The following CDH23 variants were observed in gnomAD, a reference collection of about 807,000 sequenced individuals.
CDH23 encodes cadherin related 23, also known as cadherin-23.
CDH23 carries 189 observed loss-of-function variants against 317.1 expected under a neutral mutation model. That is an observed-to-expected ratio of 0.60 (90% CI 0.53 to 0.67). CDH23 has a LOEUF of 0.67. CDH23 is among the 30% of genes least tolerant of loss of function. The pLI is 0.00. For missense variants in CDH23, 4,401 were observed against 4,592.4 expected (o/e 0.96, Z 1.20); for synonymous variants, 1,839 against 1,876.8 (o/e 0.98, Z 0.52).
rs767192037 is a variant in CDH23 at position 71,709,071 on chromosome 10, C to A, written c.3107-27C>A. On this transcript the variant is annotated intron_variant, in intron 26 of 69. Coordinates refer to ENST00000224721, the MANE Select transcript of CDH23 (RefSeq NM_022124.6). The stretch of plus-strand genomic sequence containing the variant: ...CTGGCCGGGAGCTCTGTTTCCCAGC[C>A]GGAAGCTTCCTCTCCTTCACCCACA... The A allele has an allele frequency of 1.2e-5, 20 of 1,606,060 alleles. No individual in the cohort carries two copies. In the East Asian group the frequency reaches 3.8e-4, roughly 30 times the overall value.
intron 6 of CDH23, among the ~76,000 whole-genome samples, chr10:71,537,534 G>T (rs1855767215): frequency 6.6e-6 from 1 of 152,250 alleles, no homozygotes; most frequent in African/African-American, 2.4e-5. Context: ...CTGCCAAGTG[G>T]CCTTAAAAAC....
At chr10:71,742,637 C>T (rs536527829) in intron 38 of CDH23, among the ~76,000 whole-genome samples, 4 of 152,288 alleles carry the variant, frequency 2.6e-5, no homozygotes, top group Admixed American at 1.3e-4. Flanking sequence ...CTCAGCATAT[C>T]GCTTTTGTCA....
chr10:71,726,954 C>CG (rs1866840306), intron 30 of CDH23, among the ~76,000 whole-genome samples: 1 of 152,188 alleles, frequency 6.6e-6, no homozygotes, highest in Non-Finnish European at 1.5e-5. Context: ...TCCCAGGGTA[C>CG]AGTGTAAAAC....
chr10:71,803,386 G>A lies in CDH23; in HGVS notation c.7838G>A (p.Arg2613His), dbSNP rs768688999. The change falls in exon 55 of 70, where the codon CGC becomes CAC. Residue 2613 changes from arginine to histidine, a missense_variant. Arg to His is a conservative substitution (Grantham distance 29). Coordinates refer to ENST00000224721, the MANE Select transcript of CDH23 (RefSeq NM_022124.6). The part of the protein sequence containing the change: ...DVNDNRPVFV[R>H]PPNGTILHIR... ...AATGACAACCGCCCTGTCTTTGTGC[G>A]CCCACCCAACGGCACCATCCTCCAC... 1.4e-5 allele frequency: 22 copies of A among 1,598,766 alleles called. No homozygotes were observed. Among genetic ancestry groups the A allele is most frequent in the Admixed American group, 3.4e-5 (2 of 58,426 alleles).
At chr10:71,460,576 C>T (rs1441641423) in intron 3 of CDH23, among the ~76,000 whole-genome samples, 2 of 152,246 alleles carry the variant, frequency 1.3e-5, no homozygotes, top group African/African-American at 4.8e-5. Flanking sequence ...TGGAGAAACC[C>T]TATGTTGTAG....
In CDH23 at chr10:71,705,040, C is replaced by G. The variant is rs765094120; in HGVS notation, c.2863C>G (p.Arg955Gly). The change falls in exon 25 of 70, where the codon CGC (arginine) becomes GGC (glycine). Residue 955 changes from arginine to glycine, a missense_variant. By Grantham distance (125) the Arg-to-Gly change is moderately radical (BLOSUM62 -2). Around this residue, in one of 3 missense-constraint regions of CDH23, gnomAD observed 3,068 missense variants for 3,203.3 expected, o/e 0.96. Coordinates refer to ENST00000224721, the MANE Select transcript of CDH23 (RefSeq NM_022124.6). Reference sequence around the variant, plus strand: ...GGTGGTCACCACCACCGAGCTGGACCGCGAGCGCATCGCGGAGTACCAGCT... The same window carrying G: ...GGTGGTCACCACCACCGAGCTGGACGGCGAGCGCATCGCGGAGTACCAGCT... Reference protein sequence around the residue: ...GVVVTTTELDRERIAEYQLRV... With the variant: ...GVVVTTTELDGERIAEYQLRV... 6.2e-7 allele frequency: 1 copy of G among 1,612,556 alleles called. No homozygotes were observed. The highest frequency in any genetic ancestry group is 8.5e-7 in the Non-Finnish European group (1 of 1,179,836).
rs377376107 is a variant in CDH23, at chr10:71,793,374, G to A, written c.6446G>A (p.Arg2149Gln). ...SYRLTVVATD[R>Q]GTVPLSGTAI... is the part of the protein sequence containing the mutation. ...AGGCTAACGGTGGTGGCCACCGACCGGGGCACCGTTCCTCTCTCGGGCACA... is the reference window on the plus strand; with the variant it reads ...AGGCTAACGGTGGTGGCCACCGACCAGGGCACCGTTCCTCTCTCGGGCACA... Residue 2149 changes from arginine to glutamine, a missense_variant, in exon 48 of 70, where the codon CGG becomes CAG. Physicochemically the swap from Arg to Gln is conservative, Grantham distance 43. Coordinates refer to ENST00000224721, the MANE Select transcript of CDH23 (RefSeq NM_022124.6). 150 of 1,613,896 alleles carry A rather than the reference G, an allele frequency of 9.3e-5. No homozygotes were observed. The highest frequency in any genetic ancestry group is 1.3e-4 in the South Asian group (12 of 91,052).
intron 40 of CDH23, 94 bp downstream of exon 40, chr10:71,778,402 T>A (rs903420853): frequency 2.0e-6 from 3 of 1,505,454 alleles, no homozygotes; most frequent in Non-Finnish European, 2.7e-6. Flanking sequence ...TAGGGGAAGA[T>A]TGTCTGAGGG....
intron 9 of CDH23, among the ~76,000 whole-genome samples, chr10:71,613,081 T>C (rs1860998732): frequency 6.6e-6 from 1 of 152,184 alleles, no homozygotes; most frequent in Admixed American, 6.5e-5. Context: ...ACTCCTGACT[T>C]CAAGTGATCT....
In CDH23 at chr10:71,705,047, G is replaced by T. The variant is rs748047907; in HGVS notation, c.2870G>T (p.Arg957Leu). The T allele has an allele frequency of 6.2e-7, 1 of 1,612,604 alleles. No individual in the cohort carries two copies. The highest frequency in any genetic ancestry group is 2.2e-5 in the East Asian group (1 of 44,862). The change falls in exon 25 of 70, where the codon CGC becomes CTC. Residue 957 changes from arginine to leucine, a missense_variant. By Grantham distance (102) the Arg-to-Leu change is moderately radical. Coordinates refer to ENST00000224721, the MANE Select transcript of CDH23 (RefSeq NM_022124.6). ...ACCACCACCGAGCTGGACCGCGAGCGCATCGCGGAGTACCAGCTGCGGGTG... is the reference window on the plus strand; with the variant it reads ...ACCACCACCGAGCTGGACCGCGAGCTCATCGCGGAGTACCAGCTGCGGGTG... ...VVTTTELDRERIAEYQLRVVA... is the reference protein window; with the variant it reads ...VVTTTELDRELIAEYQLRVVA...
Position 71,793,622 on chromosome 10 carries a change from G to C in CDH23, c.6694G>C (p.Ala2232Pro). ...GGTGCCCAACCAGGAGGACGCCTTT[G>C]CTGTGAATATCAACACAGGTACAAG... ...RLVPNQEDAFAVNINTGSVMV... is the reference protein window; with the variant it reads ...RLVPNQEDAFPVNINTGSVMV... Residue 2232 changes from alanine to proline, a missense_variant, in exon 48 of 70, where the codon GCT (alanine) becomes CCT (proline). This residue lies in a region of CDH23 where 3,068 missense variants were observed against 3,203.3 expected (regional missense o/e 0.96). Transcript: ENST00000224721. The C allele has an allele frequency of 6.3e-7, 1 of 1,593,902 alleles. No individual in the cohort carries two copies. Among genetic ancestry groups the C allele is most frequent in the Admixed American group, 1.7e-5 (1 of 59,178 alleles).
Position 71,739,634 on chromosome 10 carries a change from C to T in CDH23, c.4360-10C>T. On this transcript the variant is annotated splice_polypyrimidine_tract_variant and intron_variant, in intron 35 of 69. Coordinates refer to ENST00000224721, the MANE Select transcript of CDH23 (RefSeq NM_022124.6). Reference sequence around the variant, plus strand: ...ACCTGCTCACCCCTCACCCTCTCTTCTCCCCACAGGTGGTCTTCTCCCTGG... The same window carrying T: ...ACCTGCTCACCCCTCACCCTCTCTTTTCCCCACAGGTGGTCTTCTCCCTGG... 1 of 1,612,064 alleles carries T rather than the reference C, an allele frequency of 6.2e-7. No individual in the cohort carries two copies.
At chr10:71,539,533 A>C (rs1855879090) in intron 6 of CDH23, among the ~76,000 whole-genome samples, 1 of 151,824 alleles carries the variant, frequency 6.6e-6, no homozygotes, top group South Asian at 2.1e-4. Flanking sequence ...TAAATGATGC[A>C]AAACTAGAGA....
chr10:71,779,432 G>A lies in CDH23; in HGVS notation c.5353G>A (p.Asp1785Asn), dbSNP rs397517338. Reference sequence around the variant, plus strand: ...CGGGCAGGTGGAGTACAGCATCATGGATGGAGACCCTCTGGGTGAGTGGGG... The same window carrying A: ...CGGGCAGGTGGAGTACAGCATCATGAATGGAGACCCTCTGGGTGAGTGGGG... ...PNGQVEYSIM[D>N]GDPLGEFVIS... is the part of the protein sequence containing the mutation. The change falls in exon 41 of 70, where the codon GAT (aspartate) becomes AAT (asparagine). Residue 1785 changes from aspartate to asparagine, a missense_variant. By Grantham distance (23) the Asp-to-Asn change is conservative. Coordinates refer to ENST00000224721, the MANE Select transcript of CDH23 (RefSeq NM_022124.6). The A allele has an allele frequency of 1.4e-5, 23 of 1,606,486 alleles. No individual in the cohort carries two copies. The highest frequency in any genetic ancestry group is 2.0e-5 in the Non-Finnish European group (23 of 1,173,922).
At chr10:71,467,753 G>C (rs903578617) in intron 3 of CDH23, among the ~76,000 whole-genome samples, 1 of 152,154 alleles carries the variant, frequency 6.6e-6, no homozygotes, top group Non-Finnish European at 1.5e-5. Context: ...AAAAAGCTTA[G>C]ACTAGTGCCT....
At chr10:71,620,343 C>T (rs1293901370) in intron 11 of CDH23, among the ~76,000 whole-genome samples, 1 of 152,074 alleles carries the variant, frequency 6.6e-6, no homozygotes, top group South Asian at 2.1e-4. Context: ...GTACGTTAGC[C>T]GTTGTCATCA....
chr10:71,740,718 C>T, intron 36 of CDH23, 104 bp from the exon 37 acceptor site: 2 of 1,501,056 alleles, frequency 1.3e-6, no homozygotes, highest in African/African-American at 1.4e-5. Context: ...GTCTCTTTGC[C>T]CTCCCAAATG....
At chr10:71,562,829 T>C (rs1332137246) in intron 6 of CDH23, among the ~76,000 whole-genome samples, 1 of 152,262 alleles carries the variant, frequency 6.6e-6, no homozygotes, top group Admixed American at 6.5e-5. Context: ...TCTGACTGCC[T>C]GTGGCATCTC....
At chr10:71,621,549 A>G (rs563113787) in intron 11 of CDH23, among the ~76,000 whole-genome samples, 1 of 152,332 alleles carries the variant, frequency 6.6e-6, no homozygotes, top group South Asian at 2.1e-4. Flanking sequence ...CCCAAGTATC[A>G]GCGAGATGGC....
Sources: gnomAD v4.1 joint callset for allele counts (sites outside exome capture counted in the v4.1 genomes callset) on GRCh38, gnomAD v4.1.1 for gene constraint, gnomAD v4.1.1 regional missense constraint, MANE v1.5 for transcripts, NCBI Gene and HGNC (gene_info 2026-07-23, HGNC 2026-07-21) for gene names.